The following WNK4 variants were observed in gnomAD, a reference collection of about 807,000 sequenced individuals.
WNK4 encodes the protein serine/threonine-protein kinase WNK4.
Under a neutral mutation model 116.2 loss-of-function variants are expected in WNK4, and 94 were observed. The observed-to-expected ratio is 0.81, with a 90% CI of 0.68 to 0.96. The LOEUF is 0.96. Ranked by LOEUF, WNK4 falls within the 40% of genes least tolerant of loss-of-function variation. WNK4 has a pLI of 0.00. For synonymous variants in WNK4, 655 were observed against 672.7 expected, an observed-to-expected ratio of 0.97 and a Z score of 0.41; for missense variants, 1,542 against 1,650.6, an observed-to-expected ratio of 0.93 and a Z score of 1.14.
At position 42,781,054 on chromosome 17, in the gene WNK4, C is replaced by T; in HGVS notation, c.356C>T (p.Ala119Val). Residue 119 changes from alanine (A) to valine (V), a missense_variant, in exon 1 of 19, where the codon GCG (alanine) becomes GTG (valine). This residue lies in a region of WNK4 where 243 missense variants were observed against 217.8 expected (regional missense o/e 1.12). Transcript: ENST00000246914. ...TWTEGAPVKA[A>V]EDSARPELPD... ...ACCGAGGGAGCCCCTGTGAAGGCTG[C>T]GGAAGACTCCGCGCGTCCCGAGCTC... is the stretch of plus-strand genomic sequence containing the variant. The T allele has an allele frequency of 6.2e-7, 1 of 1,611,374 alleles. No individual in the cohort carries two copies. Among genetic ancestry groups the T allele is most frequent in the Non-Finnish European group, 8.5e-7 (1 of 1,179,508 alleles).
intron 11 of WNK4, among the ~76,000 whole-genome samples, chr17:42,792,677 T>C (rs2054618474): frequency 6.6e-6 from 1 of 152,252 alleles, no homozygotes; most frequent in African/African-American, 2.4e-5. Context: ...TGGGCTTCGT[T>C]AAGCCTAGGA....
Position 42,785,294 on chromosome 17 carries a change from G to T in WNK4, c.1288G>T (p.Ala430Ser). 1 of 1,611,542 alleles carries T rather than the reference G, an allele frequency of 6.2e-7. No homozygotes were observed. ...RFTIQDLLAHAFFREERGVHV... is the reference protein window; with the variant it reads ...RFTIQDLLAHSFFREERGVHV... ...CACCATCCAGGACCTCCTGGCCCACGCCTTCTTCCGCGAGGAGCGCGGTGT... is the reference window on the plus strand; with the variant it reads ...CACCATCCAGGACCTCCTGGCCCACTCCTTCTTCCGCGAGGAGCGCGGTGT... The change falls in exon 6 of 19, where the codon GCC (alanine) becomes TCC (serine). Residue 430 changes from alanine to serine, a missense_variant. This residue lies in a region of WNK4 where 808 missense variants were observed against 873.6 expected (regional missense o/e 0.92). Coordinates refer to ENST00000246914, the MANE Select transcript of WNK4 (RefSeq NM_032387.5).
intron 11 of WNK4, among the ~76,000 whole-genome samples, chr17:42,790,865 C>G (rs2054600517): frequency 6.6e-6 from 1 of 152,116 alleles, no homozygotes; most frequent in East Asian, 1.9e-4. Context: ...GGAGCCCTCT[C>G]TAAAGCATCT....
chr17:42,784,731 C>T lies in WNK4; in HGVS notation c.1170+152C>T. 2.1e-6 allele frequency: 2 copies of T among 939,272 alleles called. No homozygotes were observed. The highest frequency in any genetic ancestry group is 1.5e-5 in the South Asian group (1 of 68,656). 58.2% of individuals were successfully genotyped at this position (939,272 alleles called of 1,614,324 possible). A position where few individuals can be genotyped will look rare whatever the true frequency, so the allele number is the denominator to read the frequency against. On this transcript the variant is annotated intron_variant, in intron 4 of 18. Coordinates refer to ENST00000246914, the MANE Select transcript of WNK4 (RefSeq NM_032387.5). The surrounding 1 kb of genome is among the most constrained non-coding windows in gnomAD (Gnocchi z 4.4). ...AACACAGAAGGATATTGAGTGCACACGCGCCCCCACCAGTACACGCTATTT... is the reference window on the plus strand; with the variant it reads ...AACACAGAAGGATATTGAGTGCACATGCGCCCCCACCAGTACACGCTATTT...
rs776289134 is a variant in WNK4 at position 42,795,612 on chromosome 17, C to T, written c.3023-13C>T. The T allele has an allele frequency of 5.0e-6, 8 of 1,613,946 alleles. No individual in the cohort carries two copies. The highest frequency in any genetic ancestry group is 1.3e-5 in the African/African-American group (1 of 74,926). On this transcript the variant is annotated splice_polypyrimidine_tract_variant and intron_variant, in intron 15 of 18. Coordinates refer to ENST00000246914, the MANE Select transcript of WNK4 (RefSeq NM_032387.5). ...TCTCCTTTCCTCATGCCTTCTTCCTCGTCGCCCTACAGAGGGAAAGCCGCA... is the reference window on the plus strand; with the variant it reads ...TCTCCTTTCCTCATGCCTTCTTCCTTGTCGCCCTACAGAGGGAAAGCCGCA...
intron 9 of WNK4, 29 bp downstream of exon 9, chr17:42,788,217 G>T (rs1424879950): frequency 1.2e-6 from 2 of 1,614,124 alleles, no homozygotes; most frequent in Non-Finnish European, 1.7e-6. Flanking sequence ...TGGGGTGCCA[G>T]GGTGAGACAC....
rs1597903855 is a variant in WNK4, at chr17:42,794,894, C to T, written c.2473C>T (p.Pro825Ser). The T allele has an allele frequency of 9.9e-6, 16 of 1,613,434 alleles. No homozygotes were observed. The East Asian group carries it at 3.3e-4, about 34-fold the overall frequency. Residue 825 changes from proline to serine, a missense_variant, in exon 14 of 19, where the codon CCA becomes TCA. Physicochemically the swap from Pro to Ser is moderately conservative, Grantham distance 74 (BLOSUM62 -1). Transcript: ENST00000246914. The stretch of plus-strand genomic sequence containing the variant: ...ATTTTCCCCTGGAACCCCCATTTCC[C>T]CAGGTCCCATCTTCCCCATCACTTC... ...NPFSPGTPIS[P>S]GPIFPITSPP...
In WNK4 at chr17:42,787,835, C is replaced by T; in HGVS notation, c.1799C>T (p.Pro600Leu). ...TCCGGCTTCCTGGATGCCTCAGACC[C>T]TGCCCTTCAGCCCCCTGGGGGGGTG... is the stretch of plus-strand genomic sequence containing the variant. Reference protein sequence around the residue: ...SSSGFLDASDPALQPPGGVPS... With the variant: ...SSSGFLDASDLALQPPGGVPS... Residue 600 changes from proline (P) to leucine (L), a missense_variant, in exon 8 of 19, where the codon CCT becomes CTT. By Grantham distance (98) the Pro-to-Leu change is moderately conservative. Transcript: ENST00000246914. 1 of 1,612,580 alleles carries T rather than the reference C, an allele frequency of 6.2e-7. No homozygotes were observed. The highest frequency in any genetic ancestry group is 1.3e-5 in the African/African-American group (1 of 75,048).
At chr17:42,787,941 C>T in intron 8 of WNK4, 42 bp downstream of exon 8, 1 of 1,608,084 alleles carries the variant, frequency 6.2e-7, no homozygotes, top group Non-Finnish European at 8.5e-7. Context: ...CATTCCAAGC[C>T]TATGACCTAT....
At position 42,784,443 on chromosome 17, in the gene WNK4, C is replaced by T. The variant is rs746249218; in HGVS notation, c.1034C>T (p.Pro345Leu). 1.2e-6 allele frequency: 2 copies of T among 1,613,824 alleles called. No homozygotes were observed. The highest frequency in any genetic ancestry group is 2.2e-5 in the East Asian group (1 of 44,846). Residue 345 changes from proline to leucine, a missense_variant, in exon 4 of 19, where the codon CCC becomes CTC. Pro to Leu is a moderately conservative substitution (Grantham distance 98). Transcript: ENST00000246914. This position sits in a 1 kb window ranked among gnomAD's most constrained non-coding sequence, Gnocchi z 4.4. ...ACAGGGACCCCGGAATTCATGGCCCCCGAGATGTACGAGGAAAAGTACGAT... is the reference window on the plus strand; with the variant it reads ...ACAGGGACCCCGGAATTCATGGCCCTCGAGATGTACGAGGAAAAGTACGAT... ...SVIGTPEFMA[P>L]EMYEEKYDEA... is the part of the protein sequence containing the mutation.
intron 6 of WNK4, 139 bp downstream of exon 6, chr17:42,785,621 C>T: frequency 9.2e-7 from 1 of 1,091,832 alleles, no homozygotes; most frequent in Non-Finnish European, 1.3e-6. Flanking sequence ...TCTCCTGCAG[C>T]GTCTCCCTAC....
chr17:42,784,038 T>C lies in WNK4; in HGVS notation c.893T>C (p.Ile298Thr), dbSNP rs1363786409. Residue 298 changes from isoleucine to threonine, a missense_variant, in exon 3 of 19, where the codon ATC (isoleucine) becomes ACC (threonine). Ile to Thr is a moderately conservative substitution (Grantham distance 89). Coordinates refer to ENST00000246914, the MANE Select transcript of WNK4 (RefSeq NM_032387.5). This position sits in a 1 kb window ranked among gnomAD's most constrained non-coding sequence, Gnocchi z 4.4. ...LHFLHSRVPPILHRDLKCDNV... is the reference protein window; with the variant it reads ...LHFLHSRVPPTLHRDLKCDNV... Reference sequence around the variant, plus strand: ...TTCCTACACTCCCGGGTTCCTCCCATCCTGCACCGGGATCTCAAGTGCGAC... The same window carrying C: ...TTCCTACACTCCCGGGTTCCTCCCACCCTGCACCGGGATCTCAAGTGCGAC... The C allele has an allele frequency of 1.9e-6, 3 of 1,613,998 alleles. No individual in the cohort carries two copies. The highest frequency in any genetic ancestry group is 1.7e-6 in the Non-Finnish European group (2 of 1,180,024).
chr17:42,785,420 C>T lies in WNK4; in HGVS notation c.1414C>T (p.Gln472Ter). The change falls in exon 6 of 19, where the codon CAG (glutamine) becomes TAG (stop). Residue 472 changes from glutamine to a stop codon, truncating the protein, a stop_gained. Transcript: ENST00000246914. LOFTEE classifies it high-confidence loss of function. ...GCGCGGGGGGCGCCCACGGGACAAC[C>T]AGGCCATCGAGTTCCTGTTCCAGCT... ...ARRGGRPRDNQAIEFLFQLGR... is the reference protein window; with the variant it reads ...ARRGGRPRDN 1.3e-6 allele frequency: 2 copies of T among 1,564,716 alleles called. No homozygotes were observed. The highest frequency in any genetic ancestry group is 1.7e-6 in the Non-Finnish European group (2 of 1,154,284).
rs1473608307 is a variant in WNK4, at chr17:42,782,543, G to C, written c.619-215G>C. Among the ~76,000 whole-genome samples, 1 of 152,222 alleles carries C rather than the reference G, an allele frequency of 6.6e-6. No individual in the cohort carries two copies. The highest frequency in any genetic ancestry group is 1.5e-5 in the Non-Finnish European group (1 of 68,030). ...TGTCCAGCAGGGGGTCTAGGGGGCTGCCCCAGGCCCAGGTTGGGTGTGTCC... is the reference window on the plus strand; with the variant it reads ...TGTCCAGCAGGGGGTCTAGGGGGCTCCCCCAGGCCCAGGTTGGGTGTGTCC... On this transcript the variant is annotated intron_variant, in intron 1 of 18. Coordinates refer to ENST00000246914, the MANE Select transcript of WNK4 (RefSeq NM_032387.5). The surrounding 1 kb of genome is among the most constrained non-coding windows in gnomAD (Gnocchi z 4.2).
Position 42,781,089 on chromosome 17 carries a change from G to C in WNK4, c.391G>C (p.Ala131Pro). The change falls in exon 1 of 19, where the codon GCA becomes CCA. Residue 131 changes from alanine (A) to proline (P), a missense_variant. By Grantham distance (27) the Ala-to-Pro change is conservative. Around this residue, in one of 7 missense-constraint regions of WNK4, gnomAD observed 243 missense variants for 217.8 expected, o/e 1.12. Transcript: ENST00000246914. ...CGCGCGTCCCGAGCTCCCGGACTCT[G>C]CAGTGGGCCCGGGGTCCAGGGAGCC... ...DSARPELPDS[A>P]VGPGSREPLR... is the part of the protein sequence containing the mutation. 6.2e-7 allele frequency: 1 copy of C among 1,613,286 alleles called. No individual in the cohort carries two copies. The highest frequency in any genetic ancestry group is 1.1e-5 in the South Asian group (1 of 91,072).
chr17:42,787,143 G>T (rs1399222560), intron 6 of WNK4, 135 bp from the exon 7 acceptor site: 27 of 1,309,964 alleles, frequency 2.1e-5, no homozygotes, highest in Non-Finnish European at 2.9e-5. Flanking sequence ...GGAGCTGCCA[G>T]TTAACAGACA....
chr17:42,788,834 C>G (rs2054581113), intron 11 of WNK4, 37 bp downstream of exon 11: 1 of 1,555,504 alleles, frequency 6.4e-7, no homozygotes, highest in Non-Finnish European at 8.9e-7. Flanking sequence ...GTGTTTGGAT[C>G]TGGAACAAGA....
intron 12 of WNK4, 72 bp downstream of exon 12, chr17:42,793,801 A>G (rs777620238): frequency 3.8e-6 from 6 of 1,595,024 alleles, no homozygotes; most frequent in Non-Finnish European, 8.6e-7. Context: ...CTCTGCCCTC[A>G]GCGGTCCCCT....
Position 42,784,318 on chromosome 17 carries a change from GC to G in WNK4, c.1013-102del, listed in dbSNP as rs2054517518. ...GGCACCCACCTCAACCCCACTGTGGGCCGGGGTCACTTGCACTCGCAGGGTT... is the reference window on the plus strand; with the variant it reads ...GGCACCCACCTCAACCCCACTGTGGGCGGGGTCACTTGCACTCGCAGGGTT... On this transcript the variant is annotated intron_variant, in intron 3 of 18. Transcript: ENST00000246914. This position sits in a 1 kb window ranked among gnomAD's most constrained non-coding sequence, Gnocchi z 4.4. 26 of 1,552,882 alleles carry G rather than the reference GC, an allele frequency of 1.7e-5. No individual in the cohort carries two copies. Among genetic ancestry groups the G allele is most frequent in the Non-Finnish European group, 2.3e-5 (26 of 1,139,570 alleles).
Sources: allele counts gnomAD v4.1 joint callset (sites outside exome capture counted in the v4.1 genomes callset), GRCh38; gene constraint gnomAD v4.1.1; regional missense constraint gnomAD v4.1.1; non-coding constraint Gnocchi (gnomAD v3.1); transcripts MANE v1.5; gene names NCBI Gene and HGNC (gene_info 2026-07-23, HGNC 2026-07-21).